PAX5: variants seen among roughly 807,000 people sequenced by gnomAD.
PAX5 encodes paired box protein Pax-5.
PAX5 carries 9 observed loss-of-function variants against 43.7 expected under a neutral mutation model. The ratio of observed to expected loss-of-function variants is 0.21; its 90% CI spans 0.12 to 0.36. The LOEUF (loss-of-function observed/expected upper bound fraction) is 0.36. Among genes scored for constraint, PAX5 ranks in the 10% least tolerant of loss-of-function variants. The pLI, the probability that PAX5 is intolerant of heterozygous loss-of-function variation, is 1.00. For missense variants in PAX5, 383 were observed against 532.7 expected, an observed-to-expected ratio of 0.72 and a Z score of 2.77; for synonymous variants, 228 against 214.3, an observed-to-expected ratio of 1.06 and a Z score of -0.56.
At chr9:36,874,719 T>A (rs1825766700) in intron 8 of PAX5, among the ~76,000 whole-genome samples, 1 of 152,200 alleles carries the variant, frequency 6.6e-6, no homozygotes, top group Non-Finnish European at 1.5e-5. Flanking sequence ...CATTTCTGAC[T>A]GGATTCTTCT....
intron 8 of PAX5, among the ~76,000 whole-genome samples, chr9:36,864,886 T>A (rs1824705846): frequency 6.6e-6 from 1 of 152,192 alleles, no homozygotes; most frequent in Non-Finnish European, 1.5e-5. Context: ...AGGCGCTGCC[T>A]GACAGCTCGC....
intron 5 of PAX5, among the ~76,000 whole-genome samples, chr9:36,971,530 A>G (rs983845733): frequency 1.3e-5 from 2 of 152,352 alleles, no homozygotes; most frequent in South Asian, 4.1e-4. Context: ...TCCAGGGAGA[A>G]AAGTCTGAAC....
At chr9:37,008,614 G>C (rs1440116722) in intron 3 of PAX5, among the ~76,000 whole-genome samples, 1 of 152,152 alleles carries the variant, frequency 6.6e-6, no homozygotes, top group Non-Finnish European at 1.5e-5. Flanking sequence ...AGCCTGAAAT[G>C]GTCTTTTCTG....
chr9:36,902,306 G>T (rs1828473755), intron 7 of PAX5, among the ~76,000 whole-genome samples: 1 of 152,154 alleles, frequency 6.6e-6, no homozygotes, highest in African/African-American at 2.4e-5. Context: ...AAAAGCTTTG[G>T]CAGTGAAAGT....
At chr9:37,016,412 A>G (rs1399120445) in intron 2 of PAX5, among the ~76,000 whole-genome samples, 3 of 152,130 alleles carry the variant, frequency 2.0e-5, no homozygotes, top group East Asian at 1.9e-4. Context: ...AGTCACGGCA[A>G]CTCTTCCAGG....
chr9:36,969,904 T>C (rs1012482082), intron 5 of PAX5, among the ~76,000 whole-genome samples: 1 of 152,258 alleles, frequency 6.6e-6, no homozygotes, highest in African/African-American at 2.4e-5. Flanking sequence ...GTCTGTCATT[T>C]CCTTAAGAAG....
intron 7 of PAX5, among the ~76,000 whole-genome samples, chr9:36,918,193 G>T (rs1486373047): frequency 6.6e-6 from 1 of 152,324 alleles, no homozygotes; most frequent in Non-Finnish European, 1.5e-5. Context: ...ATTAAGCTTA[G>T]TGAGGAAGGC....
chr9:36,910,210 G>A (rs1829153991), intron 7 of PAX5, among the ~76,000 whole-genome samples: 1 of 152,196 alleles, frequency 6.6e-6, no homozygotes. Flanking sequence ...GCCTAAACAT[G>A]GTTAAGTCCT....
At chr9:37,026,078 A>G (rs1840329105) in intron 1 of PAX5, among the ~76,000 whole-genome samples, 2 of 152,192 alleles carry the variant, frequency 1.3e-5, no homozygotes, top group Admixed American at 6.5e-5. Flanking sequence ...ACATACAGAC[A>G]CGGGTCAGGG....
intron 7 of PAX5, among the ~76,000 whole-genome samples, chr9:36,921,780 G>A (rs1011508353): frequency 2.0e-5 from 3 of 152,180 alleles, no homozygotes; most frequent in South Asian, 2.1e-4. Flanking sequence ...CAGGATCTAG[G>A]AGCCAGAGGG....
At chr9:36,947,748 C>T (rs531289791) in intron 6 of PAX5, among the ~76,000 whole-genome samples, 1 of 151,990 alleles carries the variant, frequency 6.6e-6, no homozygotes. Flanking sequence ...ATTTCCAAAA[C>T]CATCACCCCC....
chr9:36,930,494 T>C (rs1421591005), intron 6 of PAX5, among the ~76,000 whole-genome samples: 2 of 152,208 alleles, frequency 1.3e-5, no homozygotes, highest in South Asian at 2.1e-4. Context: ...CCCAAAGTGC[T>C]GGGATTACAG....
At chr9:37,026,734 C>G (rs547584355) in intron 1 of PAX5, 1 of 985,370 alleles carries the variant, frequency 1.0e-6, no homozygotes, top group East Asian at 1.1e-4. Flanking sequence ...AGCCTCCCTG[C>G]TGGAGACCGC....
At chr9:36,999,005 G>A (rs1448904895) in intron 5 of PAX5, among the ~76,000 whole-genome samples, 1 of 151,968 alleles carries the variant, frequency 6.6e-6, no homozygotes, top group African/African-American at 2.4e-5. Context: ...TGCTTCTGTT[G>A]GATAGTGCAG....
At chr9:37,005,992 C>T (rs969488725) in intron 4 of PAX5, among the ~76,000 whole-genome samples, 1 of 151,996 alleles carries the variant, frequency 6.6e-6, no homozygotes, top group African/African-American at 2.4e-5. Context: ...TTCATGAGAT[C>T]GAAGCAAGAG....
intron 8 of PAX5, among the ~76,000 whole-genome samples, chr9:36,866,294 CAGAGGG>C (rs1563910110): frequency 6.6e-6 from 1 of 152,126 alleles, no homozygotes; most frequent in Non-Finnish European, 1.5e-5. Context: ...TCACAGCTTC[CAGAGGG>C]AAACTGAACC....
intron 7 of PAX5, among the ~76,000 whole-genome samples, chr9:36,908,301 G>A (rs746977974): frequency 2.6e-5 from 4 of 151,604 alleles, no homozygotes; most frequent in Admixed American, 6.6e-5. Context: ...CTTAGATGTT[G>A]CTTCCCCATA....
At chr9:36,867,886 G>A (rs367625671) in intron 8 of PAX5, among the ~76,000 whole-genome samples, 3 of 152,072 alleles carry the variant, frequency 2.0e-5, no homozygotes, top group Admixed American at 6.5e-5. Context: ...CAAATTACCC[G>A]CATTCAGGGA....
chr9:36,881,466 A>C (rs1451082023), intron 8 of PAX5, among the ~76,000 whole-genome samples: 1 of 152,068 alleles, frequency 6.6e-6, no homozygotes, highest in Non-Finnish European at 1.5e-5. Flanking sequence ...TTAAACTGAC[A>C]ATCACCGGCC....
Sources: gnomAD v4.1 joint callset for allele counts (sites outside exome capture counted in the v4.1 genomes callset) on GRCh38, gnomAD v4.1.1 for gene constraint, MANE v1.5 for transcripts, NCBI Gene and HGNC (gene_info 2026-07-23, HGNC 2026-07-21) for gene names.